The following TANC2 variants were observed in gnomAD, a reference collection of about 807,000 sequenced individuals.
TANC2 encodes protein TANC2.
In TANC2, 26 loss-of-function variants were observed where a neutral mutation model predicts 210.5. The ratio of observed to expected loss-of-function variants is 0.12; its 90% confidence interval spans 0.09 to 0.17. The LOEUF is 0.17. TANC2 is among the 10% of genes least tolerant of loss of function. The pLI, the probability that TANC2 is intolerant of heterozygous loss-of-function variation, is 1.00. For synonymous variants in TANC2, 931 were observed against 967.1 expected (o/e 0.96, Z 0.69); for missense variants, 2,129 against 2,608.9 (o/e 0.82, Z 4.01).
chr17:63,241,593 A>G (rs532595542), intron 8 of TANC2, among the ~76,000 whole-genome samples: 2 of 152,324 alleles, frequency 1.3e-5, no homozygotes, highest in South Asian at 4.1e-4. Flanking sequence ...CATAAGCTAT[A>G]CAGTTAACAT....
chr17:63,046,483 C>G (rs1198507184), intron 2 of TANC2, among the ~76,000 whole-genome samples: 1 of 151,896 alleles, frequency 6.6e-6, no homozygotes, highest in African/African-American at 2.4e-5. Flanking sequence ...AGGCGCCCAC[C>G]ACAATGCTTG....
chr17:63,129,507 C>T (rs1381743368), intron 4 of TANC2, among the ~76,000 whole-genome samples: 1 of 152,072 alleles, frequency 6.6e-6, no homozygotes, highest in Non-Finnish European at 1.5e-5. Flanking sequence ...CTCCTGAGGT[C>T]AGGAGTTTAA....
chr17:63,164,742 A>G (rs1407329792), intron 5 of TANC2, among the ~76,000 whole-genome samples: 1 of 152,186 alleles, frequency 6.6e-6, no homozygotes, highest in African/African-American at 2.4e-5. Context: ...AATGTCCAAG[A>G]GCAAGAGAAG....
chr17:63,388,573 C>T, intron 15 of TANC2, 62 bp from the exon 16 acceptor site: 1 of 1,528,692 alleles, frequency 6.5e-7, no homozygotes, highest in Non-Finnish European at 8.8e-7. Context: ...GCCACTAATT[C>T]ACCACTGATG....
chr17:63,421,803 GCCT>G lies in TANC2; in HGVS notation c.6080_6082del (p.Ser2027del), dbSNP rs779503696. ...AGACCTCTTGGAGCGAGTCAGCCAG[GCCT>G]CCTCCTATCCCGACGTGAAGGTAGC... On this transcript the variant is annotated inframe_deletion, in exon 28 of 28. Coordinates refer to ENST00000689528, the Ensembl canonical transcript of TANC2. The surrounding 1 kb of genome is among the most constrained non-coding windows in gnomAD (Gnocchi z 6.9). The G allele has an allele frequency of 3.7e-6, 6 of 1,614,058 alleles. No individual in the cohort carries two copies. The highest frequency in any genetic ancestry group is 2.2e-5 in the East Asian group (1 of 44,892).
intron 14 of TANC2, among the ~76,000 whole-genome samples, chr17:63,374,013 G>C (rs1364535824): frequency 7.6e-6 from 1 of 131,356 alleles, no homozygotes; most frequent in Non-Finnish European, 1.6e-5. Context: ...TAAGTATTTT[G>C]ATTTTTCAGT....
chr17:63,164,521 CA>C lies in TANC2; in HGVS notation c.433+13143del, dbSNP rs2040140641. Among the ~76,000 whole-genome samples the C allele has an allele frequency of 2.6e-5, 4 of 151,904 alleles. No individual in the cohort carries two copies. In the South Asian group the frequency reaches 8.3e-4, roughly 32 times the overall value. ...TCAGGGTTCTCTGGAGAAACAGAAC[CA>C]ATAGGTTATAGATAAAGATACAGAG... On this transcript the variant is annotated intron_variant, in intron 5 of 27. Coordinates refer to ENST00000689528, the Ensembl canonical transcript of TANC2.
chr17:63,351,424 T>C lies in TANC2; in HGVS notation c.1974+8T>C. On this transcript the variant is annotated splice_region_variant and intron_variant, in intron 13 of 27. Transcript: ENST00000689528. ...GTTAGGACCAGTTTACAGGTATGTG[T>C]TTGTTTGCTTTTAAACCATAAATGA... 5 of 1,571,332 alleles carry C rather than the reference T, an allele frequency of 3.2e-6. No individual in the cohort carries two copies. The highest frequency in any genetic ancestry group is 4.3e-6 in the Non-Finnish European group (5 of 1,164,316).
chr17:63,421,384 C>A lies in TANC2; in HGVS notation c.5654C>A (p.Pro1885Gln). 2.5e-6 allele frequency: 4 copies of A among 1,613,976 alleles called. No homozygotes were observed. Among genetic ancestry groups the A allele is most frequent in the Non-Finnish European group, 3.4e-6 (4 of 1,179,868 alleles). The change falls in exon 28 of 28, where the codon CCA becomes CAA. Residue 1885 changes from proline (P) to glutamine (Q), a missense_variant. By Grantham distance (76) the Pro-to-Gln change is moderately conservative. This residue lies in a region of TANC2 where 584 missense variants were observed against 627.3 expected (regional missense o/e 0.93). Coordinates refer to ENST00000689528, the Ensembl canonical transcript of TANC2. The surrounding 1 kb of genome is among the most constrained non-coding windows in gnomAD (Gnocchi z 6.9). Reference sequence around the variant, plus strand: ...TCCAACCTAACTCCGACCTTCCGGCCATCTTCTTCCATCCAGCAAATGGAG... The same window carrying A: ...TCCAACCTAACTCCGACCTTCCGGCAATCTTCTTCCATCCAGCAAATGGAG...
chr17:63,242,550 GGGGTTCTGGAGCT>G (rs1355111319), intron 8 of TANC2, among the ~76,000 whole-genome samples: 1 of 152,068 alleles, frequency 6.6e-6, no homozygotes, highest in East Asian at 1.9e-4. Flanking sequence ...GATAGCTCCA[GGGGTTCTGGAGCT>G]AATTCCCTGC....
At chr17:63,330,281 G>A (rs1402839889) in intron 11 of TANC2, among the ~76,000 whole-genome samples, 3 of 152,210 alleles carry the variant, frequency 2.0e-5, no homozygotes, top group Non-Finnish European at 4.4e-5. Flanking sequence ...TAACATAAAA[G>A]TGCAAGGTGA....
In TANC2 at chr17:63,421,349, C is replaced by T. The variant is rs200558942; in HGVS notation, c.5619C>T (p.Ile1873=). 139 of 1,614,066 alleles carry T rather than the reference C, an allele frequency of 8.6e-5. 1 individual carries two copies. In the African/African-American group the frequency reaches 1.7e-3, roughly 20 times the overall value. ...GCTTCTCTCCATCTAGCAATAGTATCTCCTCCACCTCCAACCTAACTCCGA... is the reference window on the plus strand; with the variant it reads ...GCTTCTCTCCATCTAGCAATAGTATTTCCTCCACCTCCAACCTAACTCCGA... The change falls in exon 28 of 28, where the codon ATC becomes ATT. Residue 1873 remains isoleucine, a synonymous_variant. Transcript: ENST00000689528. This position sits in a 1 kb window ranked among gnomAD's most constrained non-coding sequence, Gnocchi z 6.9.
chr17:63,030,578 C>G (rs1009990152), intron 2 of TANC2, among the ~76,000 whole-genome samples: 2 of 151,914 alleles, frequency 1.3e-5, no homozygotes, highest in East Asian at 3.9e-4. Flanking sequence ...GACAGACACC[C>G]CATGCCACCC....
intron 11 of TANC2, among the ~76,000 whole-genome samples, chr17:63,320,229 G>A (rs535623651): frequency 6.6e-6 from 1 of 152,012 alleles, no homozygotes; most frequent in African/African-American, 2.4e-5. Flanking sequence ...CAAATCTTTG[G>A]CTAAGTCATT....
intron 2 of TANC2, among the ~76,000 whole-genome samples, chr17:63,025,816 T>TAAAATAAAATTAAAA (rs1188831436): frequency 1.9e-5 from 2 of 107,850 alleles, no homozygotes; most frequent in African/African-American, 1.1e-4. Flanking sequence ...TAAAATAAAA[T>TAAAATAAAATTAAAA]TAAATTAAAA....
At chr17:63,344,166 T>G (rs1312201621) in intron 12 of TANC2, among the ~76,000 whole-genome samples, 1 of 152,168 alleles carries the variant, frequency 6.6e-6, no homozygotes, top group Non-Finnish European at 1.5e-5. Flanking sequence ...AACTCTATTG[T>G]GAACTATGCG....
chr17:63,178,356 C>G (rs1416792462), intron 5 of TANC2, among the ~76,000 whole-genome samples: 1 of 152,096 alleles, frequency 6.6e-6, no homozygotes, highest in Non-Finnish European at 1.5e-5. Context: ...AAAAACTGCC[C>G]TATGGGCGCA....
At chr17:63,140,566 A>T (rs2039251693) in intron 4 of TANC2, among the ~76,000 whole-genome samples, 1 of 152,170 alleles carries the variant, frequency 6.6e-6, no homozygotes, top group African/African-American at 2.4e-5. Flanking sequence ...TAGTCTTCTA[A>T]ACTGCACAAC....
At chr17:63,223,586 G>T (rs2042251160) in intron 7 of TANC2, among the ~76,000 whole-genome samples, 1 of 149,340 alleles carries the variant, frequency 6.7e-6, no homozygotes. Flanking sequence ...TATATATAGT[G>T]TATATATATA....
Sources: allele counts gnomAD v4.1 joint callset (sites outside exome capture counted in the v4.1 genomes callset), GRCh38; gene constraint gnomAD v4.1.1; regional missense constraint gnomAD v4.1.1; non-coding constraint Gnocchi (gnomAD v3.1); transcripts MANE v1.5; gene names NCBI Gene and HGNC (gene_info 2026-07-23, HGNC 2026-07-21).